The following MEI4 variants were observed in gnomAD, a reference collection of about 807,000 sequenced individuals.
MEI4 encodes the protein meiosis-specific protein MEI4.
Under a neutral mutation model 31.4 loss-of-function variants are expected in MEI4, and 27 were observed. That is an observed-to-expected ratio of 0.86 (90% CI 0.63 to 1.19). The LOEUF (loss-of-function observed/expected upper bound fraction) is 1.19, where lower values mean the gene tolerates loss of function less well. MEI4 is among the 50% of genes most tolerant of loss of function. The probability of loss-of-function intolerance (pLI) is 0.00; values close to 1 mark genes in which losing one functional copy is unlikely to be tolerated. For synonymous variants in MEI4, 122 were observed against 145.4 expected (o/e 0.84, Z 1.16); for missense variants, 329 against 398.9 (o/e 0.82, Z 1.49).
chr6:77,734,718 T>G (rs538885287), intron 2 of MEI4, among the ~76,000 whole-genome samples: 2 of 152,176 alleles, frequency 1.3e-5, no homozygotes, highest in Admixed American at 1.3e-4. Context: ...TGATGCAGTT[T>G]CTTCCTAGTC....
intron 4 of MEI4, among the ~76,000 whole-genome samples, chr6:77,840,478 C>T (rs560530171): frequency 4.6e-5 from 7 of 152,006 alleles, no homozygotes; most frequent in African/African-American, 1.2e-4. Flanking sequence ...TTGGAGAAAA[C>T]GATAAATGTA....
At position 77,921,834 on chromosome 6, in the gene MEI4, C is replaced by T. The variant is rs188519730; in HGVS notation, c.901-1255C>T. Among the ~76,000 whole-genome samples, 11 of 151,828 alleles carry T rather than the reference C, an allele frequency of 7.2e-5. No homozygotes were observed. In the East Asian group the frequency reaches 1.6e-3, roughly 21 times the overall value. ...CACACACACTTATCAGTTAAGTTCA[C>T]CATCTGATATGGGCATGGTTTGTGG... is the stretch of plus-strand genomic sequence containing the variant. On this transcript the variant is annotated intron_variant, in intron 4 of 4. Coordinates refer to ENST00000684080, the MANE Select transcript of MEI4 (RefSeq NM_001322247.2).
chr6:77,727,066 C>G (rs762144410), intron 2 of MEI4, among the ~76,000 whole-genome samples: 4 of 152,062 alleles, frequency 2.6e-5, no homozygotes, highest in Non-Finnish European at 5.9e-5. Context: ...CTGCAAGATC[C>G]ATTGTTAGAT....
At chr6:77,663,613 TAAG>T (rs1202316493) in intron 1 of MEI4, among the ~76,000 whole-genome samples, 2 of 152,128 alleles carry the variant, frequency 1.3e-5, no homozygotes, top group East Asian at 1.9e-4. Context: ...TGGGGAGTTT[TAAG>T]AAGTTTAGAA....
intron 4 of MEI4, among the ~76,000 whole-genome samples, chr6:77,882,701 G>A (rs893987333): frequency 1.3e-5 from 2 of 152,110 alleles, no homozygotes; most frequent in Non-Finnish European, 1.5e-5. Flanking sequence ...TTTTGTGGAA[G>A]CCTTTTCACT....
intron 2 of MEI4, among the ~76,000 whole-genome samples, chr6:77,751,218 A>G (rs140417063): frequency 6.6e-6 from 1 of 152,320 alleles, no homozygotes; most frequent in Non-Finnish European, 1.5e-5. Context: ...CTGAGAAACA[A>G]GAGCAAACAA....
chr6:77,650,290 G>C (rs2127639325), upstream of MEI4, among the ~76,000 whole-genome samples: 1 of 152,318 alleles, frequency 6.6e-6, no homozygotes, highest in East Asian at 1.9e-4. Context: ...ATTTTCTCTG[G>C]ACTGGTTGTG....
At chr6:77,855,098 G>A (rs758845143) in intron 4 of MEI4, among the ~76,000 whole-genome samples, 1 of 152,084 alleles carries the variant, frequency 6.6e-6, no homozygotes, top group African/African-American at 2.4e-5. Flanking sequence ...CAGCCAGCAC[G>A]TTGGGAGGCC....
Position 77,686,875 on chromosome 6 carries a change from C to CTTTTTTTTTTTTTTTTTTTT in MEI4, c.-14-3774_-14-3773insTTTTTTTTTTTTTTTTTTTT, listed in dbSNP as rs70974681. 4.1e-4 allele frequency among the ~76,000 whole-genome samples: 54 copies of CTTTTTTTTTTTTTTTTTTTT among 132,500 alleles called. 1 individual carries two copies. The highest frequency in any genetic ancestry group is 7.1e-4 in the East Asian group (3 of 4,204). 86.9% of individuals were successfully genotyped at this position (132,500 alleles called of 152,430 possible). A position where few individuals can be genotyped will look rare whatever the true frequency, so the allele number is the denominator to read the frequency against. On this transcript the variant is annotated intron_variant, in intron 1 of 4. Transcript: ENST00000684080. ...TCTTGAATAGGAATGGTCTGTGGCT[C>CTTTTTTTTTTTTTTTTTTTT]TTTTTTTTTGTAGATGTTTCATCAG...
At position 77,907,993 on chromosome 6, in the gene MEI4, GTT is replaced by G. The variant is rs36134334; in HGVS notation, c.901-15084_901-15083del. ...TATCCTTCACGCACTTGTTGATGGGGTTTTTTTTTTTTTCTTGTAAATTTGTT... is the reference window on the plus strand; with the variant it reads ...TATCCTTCACGCACTTGTTGATGGGGTTTTTTTTTTTCTTGTAAATTTGTT... On this transcript the variant is annotated intron_variant, in intron 4 of 4. Transcript: ENST00000684080. Among the ~76,000 whole-genome samples the G allele has an allele frequency of 1.8e-3, 258 of 144,328 alleles. 2 individuals carry two copies. The Middle Eastern group carries it at 0.025, about 14-fold the overall frequency. 94.7% of individuals were successfully genotyped at this position (144,328 alleles called of 152,430 possible). A position where few individuals can be genotyped will look rare whatever the true frequency, so the allele number is the denominator to read the frequency against.
intron 4 of MEI4, among the ~76,000 whole-genome samples, chr6:77,889,696 C>T (rs1771711101): frequency 6.6e-6 from 1 of 152,204 alleles, no homozygotes; most frequent in Non-Finnish European, 1.5e-5. Context: ...ATGTCAAGAC[C>T]ATCATGGCAG....
chr6:77,809,483 C>T (rs1285171518), intron 3 of MEI4, among the ~76,000 whole-genome samples: 1 of 152,136 alleles, frequency 6.6e-6, no homozygotes, highest in Non-Finnish European at 1.5e-5. Context: ...TTATTGATGA[C>T]TCATATATAG....
chr6:77,806,907 A>G (rs1322995675), intron 3 of MEI4, among the ~76,000 whole-genome samples: 1 of 152,166 alleles, frequency 6.6e-6, no homozygotes, highest in Non-Finnish European at 1.5e-5. Context: ...TTTGTACCAC[A>G]ATGGCAGAGT....
rs148764194 is a variant in MEI4 at position 77,670,341 on chromosome 6, T to G, written c.-15+17249T>G. On this transcript the variant is annotated intron_variant, in intron 1 of 4. Transcript: ENST00000684080. The stretch of plus-strand genomic sequence containing the variant: ...CTTTCTGACAGTATAGTTGATTGGT[T>G]ATTTATGACAAGATTTAATACACAG... Among the ~76,000 whole-genome samples, 604 of 152,186 alleles carry G rather than the reference T, an allele frequency of 4.0e-3. 1 individual carries two copies. The highest frequency in any genetic ancestry group is 5.5e-3 in the Admixed American group (84 of 15,264).
chr6:77,775,032 G>C (rs1054089321), intron 3 of MEI4, among the ~76,000 whole-genome samples: 3 of 151,958 alleles, frequency 2.0e-5, no homozygotes, highest in Admixed American at 2.0e-4. Context: ...ATCTCTGTCT[G>C]CTCCATCTTC....
chr6:77,881,187 C>A (rs1771481188), intron 4 of MEI4, among the ~76,000 whole-genome samples: 1 of 151,632 alleles, frequency 6.6e-6, no homozygotes, highest in South Asian at 2.1e-4. Flanking sequence ...ACAAAAAAGC[C>A]TTCTATGTTC....
intron 2 of MEI4, among the ~76,000 whole-genome samples, chr6:77,708,409 A>C (rs1422100010): frequency 6.6e-6 from 1 of 152,214 alleles, no homozygotes; most frequent in African/African-American, 2.4e-5. Flanking sequence ...TTTTGATTTT[A>C]CAGGCTCATA....
chr6:77,854,790 T>C (rs1770708398), intron 4 of MEI4, among the ~76,000 whole-genome samples: 1 of 152,128 alleles, frequency 6.6e-6, no homozygotes, highest in African/African-American at 2.4e-5. Context: ...ACTTGACTTA[T>C]ATTATCTCAT....
At chr6:77,872,562 T>C (rs1042025464) in intron 4 of MEI4, among the ~76,000 whole-genome samples, 4 of 151,984 alleles carry the variant, frequency 2.6e-5, no homozygotes, top group African/African-American at 9.7e-5. Context: ...CAGTTTATTT[T>C]TTTATTTTTT....
Sources: gnomAD v4.1 joint callset for allele counts (sites outside exome capture counted in the v4.1 genomes callset) on GRCh38, gnomAD v4.1.1 for gene constraint, MANE v1.5 for transcripts, NCBI Gene and HGNC (gene_info 2026-07-23, HGNC 2026-07-21) for gene names.